Variants in SMC5 observed in about 807,000 individuals in gnomAD.
The protein encoded by SMC5 is structural maintenance of chromosomes protein 5.
A neutral mutation model predicts 148.3 loss-of-function variants in SMC5; 88 were observed. The ratio of observed to expected loss-of-function variants is 0.59; its 90% CI spans 0.50 to 0.71. SMC5 has a LOEUF of 0.71. Among genes scored for constraint, SMC5 ranks in the 30% least tolerant of loss-of-function variants. The pLI is 0.00. For synonymous variants in SMC5, 421 were observed against 432.8 expected, an observed-to-expected ratio of 0.97 and a Z score of 0.34; for missense variants, 1,142 against 1,298.9, an observed-to-expected ratio of 0.88 and a Z score of 1.86.
Position 70,318,964 on chromosome 9 carries a change from G to C in SMC5, c.2150+1G>C. Reference sequence around the variant, plus strand: ...AAAAAATCAGTTCCAAACTAGGAAGGTATCTTTTAGCCTATTCAGGGGGGA... The same window carrying C: ...AAAAAATCAGTTCCAAACTAGGAAGCTATCTTTTAGCCTATTCAGGGGGGA... On this transcript the variant is annotated splice_donor_variant, in intron 15 of 24. Transcript: ENST00000361138. LOFTEE classifies it high-confidence loss of function. The C allele has an allele frequency of 6.2e-7, 1 of 1,605,110 alleles. No individual in the cohort carries two copies. The highest frequency in any genetic ancestry group is 8.5e-7 in the Non-Finnish European group (1 of 1,176,892).
chr9:70,278,339 C>T (rs1033368503), intron 4 of SMC5, 152 bp from the exon 5 acceptor site: 1 of 701,748 alleles, frequency 1.4e-6, no homozygotes, highest in Non-Finnish European at 2.2e-6. Context: ...AGTTTATCTT[C>T]ATTATTCTAA....
intron 4 of SMC5, 114 bp from the exon 5 acceptor site, chr9:70,278,377 C>A: frequency 1.1e-6 from 1 of 942,060 alleles, no homozygotes; most frequent in Non-Finnish European, 1.5e-6. Context: ...GTTTATATCT[C>A]AAATGTTTTT....
Position 70,263,105 on chromosome 9 carries a change from CA to C in SMC5, c.186-1198del, listed in dbSNP as rs376219640. 3.9e-3 allele frequency among the ~76,000 whole-genome samples: 594 copies of C among 152,252 alleles called. 2 individuals carry two copies. The highest frequency in any genetic ancestry group is 0.023 in the South Asian group (111 of 4,828). On this transcript the variant is annotated intron_variant, in intron 1 of 24. Transcript: ENST00000361138. ...TTTCATCGTTTTAGTATAACATTTA[CA>C]CAGAGATTTCACAACAGGAAATCCA...
intron 8 of SMC5, among the ~76,000 whole-genome samples, chr9:70,295,470 CAAAAA>C (rs767989666): frequency 1.2e-5 from 1 of 81,424 alleles, no homozygotes. Context: ...GACCCTGTCT[CAAAAA>C]AAAAAAAAAA....
chr9:70,343,870 T>C (rs1331042046), intron 17 of SMC5, among the ~76,000 whole-genome samples: 1 of 152,010 alleles, frequency 6.6e-6, no homozygotes. Flanking sequence ...TACATGGAGC[T>C]AAGCTAGACT....
rs146916777 is a variant in SMC5, at chr9:70,285,638, G to A, written c.982-562G>A. On this transcript the variant is annotated intron_variant, in intron 7 of 24. Coordinates refer to ENST00000361138, the MANE Select transcript of SMC5 (RefSeq NM_015110.4). ...TTGCAAACAAGCCTGTCCAAGAATAGTAGTCTTAGTCTATAATGTTGTTTT... is the reference window on the plus strand; with the variant it reads ...TTGCAAACAAGCCTGTCCAAGAATAATAGTCTTAGTCTATAATGTTGTTTT... Among the ~76,000 whole-genome samples the A allele has an allele frequency of 3.9e-3, 600 of 152,282 alleles. 3 individuals carry two copies. Among genetic ancestry groups the A allele is most frequent in the African/African-American group, 0.013 (555 of 41,542 alleles).
intron 17 of SMC5, among the ~76,000 whole-genome samples, chr9:70,337,297 A>G (rs2036384518): frequency 6.6e-6 from 1 of 152,192 alleles, no homozygotes; most frequent in Admixed American, 6.5e-5. Flanking sequence ...CTTTGGAGTA[A>G]GTATGCTCTT....
intron 8 of SMC5, among the ~76,000 whole-genome samples, chr9:70,295,353 C>T (rs1371881288): frequency 3.3e-5 from 5 of 151,496 alleles, no homozygotes; most frequent in African/African-American, 1.2e-4. Context: ...TGCCTGTAGT[C>T]CCAGCTACTC....
intron 15 of SMC5, among the ~76,000 whole-genome samples, chr9:70,319,542 C>T (rs1246948836): frequency 6.6e-6 from 1 of 152,058 alleles, no homozygotes; most frequent in African/African-American, 2.4e-5. Flanking sequence ...TCTGGCTTCC[C>T]ATAAATATGC....
chr9:70,286,717 CT>C (rs34919823), intron 8 of SMC5: 24,108 of 117,370 alleles, frequency 0.21, 1,216 homozygotes, highest in African/African-American at 0.27. Context: ...AACTTTTCGT[CT>C]TTTTTTTTTT....
In SMC5 at chr9:70,347,667, C is replaced by G; in HGVS notation, c.2719C>G (p.Leu907Val). ...EEEIEQLTEE[L>V]KGKKVELDQY... Reference sequence around the variant, plus strand: ...AGAAATAGAACAGTTAACTGAGGAACTAAAGGGAAAGAAAGTTGAACTAGA... The same window carrying G: ...AGAAATAGAACAGTTAACTGAGGAAGTAAAGGGAAAGAAAGTTGAACTAGA... The change falls in exon 21 of 25, where the codon CTA becomes GTA. Residue 907 changes from leucine to valine, a missense_variant. By Grantham distance (32) the Leu-to-Val change is conservative. Coordinates refer to ENST00000361138, the MANE Select transcript of SMC5 (RefSeq NM_015110.4). 1 of 1,585,324 alleles carries G rather than the reference C, an allele frequency of 6.3e-7. No homozygotes were observed. The highest frequency in any genetic ancestry group is 8.5e-7 in the Non-Finnish European group (1 of 1,170,634).
rs117230115 is a variant in SMC5 at position 70,305,159 on chromosome 9, A to G, written c.1465-88A>G. The G allele has an allele frequency of 2.4e-3, 1,467 of 614,394 alleles. 21 individuals carry two copies. In the East Asian group the frequency reaches 0.032, roughly 13 times the overall value. 38.1% of individuals were successfully genotyped at this position (614,394 alleles called of 1,614,324 possible). A position where few individuals can be genotyped will look rare whatever the true frequency, so the allele number is the denominator to read the frequency against. The stretch of plus-strand genomic sequence containing the variant: ...ATCTTGTTTTTTCTCAAGTATTACA[A>G]TCTAATTAAATCCAATTTTAATATA... On this transcript the variant is annotated intron_variant, in intron 10 of 24. Coordinates refer to ENST00000361138, the MANE Select transcript of SMC5 (RefSeq NM_015110.4).
chr9:70,322,945 T>C (rs1203683060), intron 15 of SMC5, among the ~76,000 whole-genome samples: 1 of 152,220 alleles, frequency 6.6e-6, no homozygotes, highest in Non-Finnish European at 1.5e-5. Context: ...TATTTCGCTT[T>C]ACCCATTCCA....
intron 17 of SMC5, among the ~76,000 whole-genome samples, chr9:70,325,102 G>A (rs1158013177): frequency 1.3e-5 from 2 of 152,276 alleles, no homozygotes; most frequent in Non-Finnish European, 1.5e-5. Flanking sequence ...TGGAGTTTGG[G>A]AAGTTGGGCT....
At chr9:70,342,156 G>A (rs867877667) in intron 17 of SMC5, among the ~76,000 whole-genome samples, 8 of 149,322 alleles carry the variant, frequency 5.4e-5, no homozygotes, top group African/African-American at 1.5e-4. Context: ...ACCAAACACC[G>A]CATGTTCTCA....
intron 17 of SMC5, among the ~76,000 whole-genome samples, chr9:70,337,662 C>A (rs1210276871): frequency 6.6e-6 from 1 of 151,906 alleles, no homozygotes; most frequent in South Asian, 2.1e-4. Context: ...TCGTGTTTCA[C>A]CATGCCTGGC....
intron 3 of SMC5, among the ~76,000 whole-genome samples, chr9:70,275,326 T>A (rs1408862550): frequency 6.6e-6 from 1 of 152,152 alleles, no homozygotes; most frequent in East Asian, 1.9e-4. Flanking sequence ...TCCTCCTGCC[T>A]CAGCCTACAG....
chr9:70,308,410 G>T (rs764115044), intron 11 of SMC5, among the ~76,000 whole-genome samples: 1 of 151,236 alleles, frequency 6.6e-6, no homozygotes, highest in South Asian at 2.1e-4. Context: ...TTGAGACCAC[G>T]GTGAAACCCT....
chr9:70,298,231 A>G lies in SMC5; in HGVS notation c.1309+10A>G, dbSNP rs770898960. On this transcript the variant is annotated intron_variant, in intron 9 of 24. Transcript: ENST00000361138. ...GAGAAGGAGAAAAAGAGTAAGTTTCATAAAGTTAGAATGAAATGTTTATAA... is the reference window on the plus strand; with the variant it reads ...GAGAAGGAGAAAAAGAGTAAGTTTCGTAAAGTTAGAATGAAATGTTTATAA... 5.6e-6 allele frequency: 9 copies of G among 1,604,244 alleles called. No individual in the cohort carries two copies. The Admixed American group carries it at 1.6e-4, about 28-fold the overall frequency.
Sources: allele counts gnomAD v4.1 joint callset (sites outside exome capture counted in the v4.1 genomes callset), GRCh38; gene constraint gnomAD v4.1.1; transcripts MANE v1.5; gene names NCBI Gene and HGNC (gene_info 2026-07-23, HGNC 2026-07-21).